PDE7B: variants seen among roughly 807,000 people sequenced by gnomAD.
PDE7B encodes the protein phosphodiesterase 7B.
Under a neutral mutation model 56.2 loss-of-function variants are expected in PDE7B, and 29 were observed. The observed-to-expected ratio is 0.52, with a 90% CI of 0.38 to 0.70. The LOEUF (loss-of-function observed/expected upper bound fraction) is 0.70, where lower values mean the gene tolerates loss of function less well. Among genes scored for constraint, PDE7B ranks in the 30% least tolerant of loss-of-function variants. The pLI, the probability that PDE7B is intolerant of heterozygous loss-of-function variation, is 0.00. For missense variants in PDE7B, 490 were observed against 565.0 expected (o/e 0.87, Z 1.35); for synonymous variants, 197 against 196.9 (o/e 1.00, Z 0.00).
intron 1 of PDE7B, among the ~76,000 whole-genome samples, chr6:135,928,532 CACACACACACAT>C (rs1774240165): frequency 1.2e-5 from 1 of 84,898 alleles, no homozygotes; most frequent in African/African-American, 4.6e-5. Context: ...TATATATACA[CACACACACACAT>C]ACACACACAC....
chr6:136,059,184 C>A (rs975427289), intron 2 of PDE7B, among the ~76,000 whole-genome samples: 3 of 152,058 alleles, frequency 2.0e-5, no homozygotes, highest in Admixed American at 6.5e-5. Context: ...AAAAATCAGA[C>A]CTTGGTGATG....
At chr6:135,893,437 A>G (rs1775844778) in intron 1 of PDE7B, among the ~76,000 whole-genome samples, 1 of 151,980 alleles carries the variant, frequency 6.6e-6, no homozygotes, top group African/African-American at 2.4e-5. Flanking sequence ...CATGGTGTAT[A>G]TGTGCCACAT....
At chr6:135,899,751 T>G (rs1289322150) in intron 1 of PDE7B, among the ~76,000 whole-genome samples, 1 of 152,138 alleles carries the variant, frequency 6.6e-6, no homozygotes. Flanking sequence ...TGGATTTCTC[T>G]AATTTTAAAT....
intron 1 of PDE7B, among the ~76,000 whole-genome samples, chr6:135,926,090 G>GTTT (rs1774179227): frequency 3.5e-5 from 3 of 84,720 alleles, no homozygotes; most frequent in African/African-American, 1.5e-4. Context: ...TTTTTTGGGG[G>GTTT]GGGGGGGGGG....
At chr6:136,153,975 G>A in intron 6 of PDE7B, 100 bp from the exon 7 acceptor site, 1 of 710,288 alleles carries the variant, frequency 1.4e-6, no homozygotes, top group South Asian at 1.7e-5. Context: ...CATTTTGGAG[G>A]CACTGATATT....
chr6:136,073,293 T>C (rs1777079200), intron 2 of PDE7B, among the ~76,000 whole-genome samples: 1 of 152,210 alleles, frequency 6.6e-6, no homozygotes, highest in African/African-American at 2.4e-5. Context: ...AGACTCCTTC[T>C]TTGTGTGTAA....
chr6:136,074,665 G>A (rs1363254067), intron 2 of PDE7B, among the ~76,000 whole-genome samples: 2 of 152,162 alleles, frequency 1.3e-5, no homozygotes, highest in Non-Finnish European at 2.9e-5. Flanking sequence ...ACAAATAGGT[G>A]AGAATATATA....
intron 3 of PDE7B, among the ~76,000 whole-genome samples, chr6:136,121,805 C>G (rs955106439): frequency 6.6e-6 from 1 of 151,982 alleles, no homozygotes; most frequent in Non-Finnish European, 1.5e-5. Flanking sequence ...AAAAAAAGAC[C>G]AGGTATGGGA....
Position 135,995,233 on chromosome 6 carries a change from C to T in PDE7B, c.82+47709C>T, listed in dbSNP as rs111797230. Among the ~76,000 whole-genome samples, 442 of 150,290 alleles carry T rather than the reference C, an allele frequency of 2.9e-3. 3 individuals are homozygous for T. The highest frequency in any genetic ancestry group is 0.01 in the African/African-American group (416 of 40,834). ...CGGCCCCACGCTCCATACATATGTA[C>T]CACCGCTACTCAGTCCATACTAATC... On this transcript the variant is annotated intron_variant, in intron 2 of 12. Transcript: ENST00000308191.
At position 136,191,558 on chromosome 6, in the gene PDE7B, A is replaced by G; in HGVS notation, c.1127-56A>G. ...GGGTCCCCAGTCATGCTCGGGAGGG[A>G]GTAAGGAGCGGGTTTCACCACGCTG... On this transcript the variant is annotated intron_variant, in intron 12 of 12. Coordinates refer to ENST00000308191, the MANE Select transcript of PDE7B (RefSeq NM_018945.4). The G allele has an allele frequency of 6.4e-6, 9 of 1,404,948 alleles. No homozygotes were observed. In the South Asian group the frequency reaches 1.1e-4, roughly 17 times the overall value. The allele number at this position is 1,404,948 out of a possible 1,614,324, so 87.0% of individuals were successfully genotyped here.
chr6:136,031,319 G>A (rs1776241908), intron 2 of PDE7B, among the ~76,000 whole-genome samples: 1 of 152,120 alleles, frequency 6.6e-6, no homozygotes, highest in African/African-American at 2.4e-5. Context: ...CCAGACTTCT[G>A]GAATCAGAAA....
At chr6:136,186,233 T>C (rs1779142929) in intron 11 of PDE7B, among the ~76,000 whole-genome samples, 1 of 151,926 alleles carries the variant, frequency 6.6e-6, no homozygotes, top group Non-Finnish European at 1.5e-5. Context: ...CTGGACAACA[T>C]AGCGAGACCT....
chr6:136,121,691 A>G (rs1246029698), intron 3 of PDE7B, among the ~76,000 whole-genome samples: 3 of 152,244 alleles, frequency 2.0e-5, no homozygotes, highest in Non-Finnish European at 4.4e-5. Flanking sequence ...GTTCTAATGG[A>G]GAAAGCACTG....
chr6:135,881,341 CA>C (rs34454603), intron 1 of PDE7B, among the ~76,000 whole-genome samples: 16,918 of 119,888 alleles, frequency 0.14, 2,726 homozygotes, highest in African/African-American at 0.41. Context: ...ACTAAAAATA[CA>C]AAAAAAAAAA....
intron 2 of PDE7B, among the ~76,000 whole-genome samples, chr6:135,996,861 G>A (rs551360737): frequency 6.6e-6 from 1 of 152,042 alleles, no homozygotes. Context: ...TTCTCCTTCC[G>A]AGAAATAGCA....
intron 12 of PDE7B, 25 bp from the exon 13 acceptor site, chr6:136,191,589 C>T (rs1352729006): frequency 1.3e-6 from 2 of 1,594,486 alleles, no homozygotes; most frequent in South Asian, 1.1e-5. Context: ...CGCTGTGATG[C>T]TGAGCCTTGA....
At chr6:136,031,465 C>A (rs979210404) in intron 2 of PDE7B, among the ~76,000 whole-genome samples, 6 of 152,140 alleles carry the variant, frequency 3.9e-5, no homozygotes, top group Non-Finnish European at 8.8e-5. Flanking sequence ...AGGGGCCGGG[C>A]GCGGTGGCTC....
chr6:135,911,317 G>A (rs1292680949), intron 1 of PDE7B, among the ~76,000 whole-genome samples: 2 of 152,120 alleles, frequency 1.3e-5, no homozygotes, highest in African/African-American at 4.8e-5. Context: ...TGGATGGTTG[G>A]TGAATTTTCT....
At chr6:136,017,422 A>G (rs576403572) in intron 2 of PDE7B, among the ~76,000 whole-genome samples, 13 of 152,078 alleles carry the variant, frequency 8.5e-5, no homozygotes, top group Admixed American at 6.5e-4. Flanking sequence ...TACATATGCC[A>G]TGTTGCTGTG....
Sources: allele counts gnomAD v4.1 joint callset (sites outside exome capture counted in the v4.1 genomes callset), GRCh38; gene constraint gnomAD v4.1.1; transcripts MANE v1.5; gene names NCBI Gene and HGNC (gene_info 2026-07-23, HGNC 2026-07-21).